The following GPC5 variants were observed in gnomAD, a reference collection of about 807,000 sequenced individuals.
GPC5 encodes the protein glypican-5.
In GPC5, 47 loss-of-function variants were observed where a neutral mutation model predicts 53.9. That is an observed-to-expected ratio of 0.87 (90% CI 0.69 to 1.11). The LOEUF is 1.11. Among genes scored for constraint, GPC5 ranks in the 50% most tolerant of loss-of-function variants. The pLI, the probability that GPC5 is intolerant of heterozygous loss-of-function variation, is 0.00. For synonymous variants in GPC5, 286 were observed against 263.3 expected (o/e 1.09, Z -0.84); for missense variants, 748 against 713.1 (o/e 1.05, Z -0.56).
intron 7 of GPC5, among the ~76,000 whole-genome samples, chr13:92,649,419 T>C (rs530020878): frequency 3.9e-5 from 6 of 152,270 alleles, no homozygotes; most frequent in African/African-American, 1.4e-4. Context: ...ATATCTCCAC[T>C]GAAATCCTTG....
rs138778531 is a variant in GPC5, at chr13:91,930,244, G to GA, written c.1401+22193dup. Among the ~76,000 whole-genome samples the GA allele has an allele frequency of 8.3e-3, 1,256 of 151,440 alleles. 15 individuals are homozygous for GA. Among genetic ancestry groups the GA allele is most frequent in the African/African-American group, 0.029 (1,189 of 41,320 alleles). On this transcript the variant is annotated intron_variant, in intron 6 of 7. Transcript: ENST00000377067. ...TGTAAAGCAGATCTTTAAATCAAGA[G>GA]AAAAAAGAACACCAAAGAACATCTC...
chr13:92,762,887 T>G (rs11070032), intron 7 of GPC5, among the ~76,000 whole-genome samples: 55,034 of 151,594 alleles, frequency 0.36, 11,278 homozygotes, highest in East Asian at 0.75. Context: ...AATCTAGTCT[T>G]CTGTTGAAGC....
rs149756149 is a variant in GPC5, at chr13:91,780,905, G to A, written c.1280+24485G>A. On this transcript the variant is annotated intron_variant, in intron 5 of 7. Transcript: ENST00000377067. Reference sequence around the variant, plus strand: ...AAGCTTTCTTATTCTTAGTTCACATGTAGCCCCCCACTCCCTATAATCTAC... The same window carrying A: ...AAGCTTTCTTATTCTTAGTTCACATATAGCCCCCCACTCCCTATAATCTAC... Among the ~76,000 whole-genome samples, 9 of 152,318 alleles carry A rather than the reference G, an allele frequency of 5.9e-5. No homozygotes were observed. In the East Asian group the frequency reaches 1.2e-3, roughly 20 times the overall value.
intron 7 of GPC5, among the ~76,000 whole-genome samples, chr13:92,776,612 A>G (rs747699350): frequency 2.6e-5 from 4 of 152,162 alleles, no homozygotes; most frequent in Non-Finnish European, 5.9e-5. Context: ...GATACTTGTG[A>G]TATTTTTACT....
At chr13:92,426,383 T>C (rs1876835640) in intron 7 of GPC5, among the ~76,000 whole-genome samples, 1 of 152,118 alleles carries the variant, frequency 6.6e-6, no homozygotes, top group Admixed American at 6.6e-5. Context: ...TCTATGACAG[T>C]GACCTCCTCT....
intron 7 of GPC5, among the ~76,000 whole-genome samples, chr13:92,306,855 A>G (rs1017874283): frequency 1.3e-5 from 2 of 152,236 alleles, no homozygotes; most frequent in African/African-American, 2.4e-5. Context: ...ATTACGTTGC[A>G]TAGGCACTGA....
At chr13:92,612,353 T>C (rs1884466825) in intron 7 of GPC5, among the ~76,000 whole-genome samples, 1 of 152,114 alleles carries the variant, frequency 6.6e-6, no homozygotes, top group Non-Finnish European at 1.5e-5. Flanking sequence ...TAATTTATTA[T>C]TAACTTCTTG....
At chr13:92,695,922 A>G (rs1284391761) in intron 7 of GPC5, among the ~76,000 whole-genome samples, 1 of 151,518 alleles carries the variant, frequency 6.6e-6, no homozygotes, top group African/African-American at 2.4e-5. Flanking sequence ...TCATTGTCCA[A>G]CTACCTATGA....
intron 2 of GPC5, among the ~76,000 whole-genome samples, chr13:91,456,232 T>G (rs1051932075): frequency 9.9e-5 from 15 of 152,260 alleles, no homozygotes; most frequent in Middle Eastern, 3.4e-3. Flanking sequence ...GAGTAACAAT[T>G]TTTCCAAACC....
intron 2 of GPC5, among the ~76,000 whole-genome samples, chr13:91,625,144 A>T (rs9523385): frequency 0.35 from 52,849 of 151,538 alleles, 11,512 homozygotes; most frequent in African/African-American, 0.61. Context: ...TACACATGCT[A>T]AGGAATGAGA....
intron 5 of GPC5, among the ~76,000 whole-genome samples, chr13:91,832,690 C>A (rs943315774): frequency 6.6e-6 from 1 of 151,988 alleles, no homozygotes; most frequent in Non-Finnish European, 1.5e-5. Context: ...TTCTTTGAAA[C>A]CAATGAGAAC....
chr13:92,718,983 C>T (rs1888420984), intron 7 of GPC5, among the ~76,000 whole-genome samples: 1 of 151,846 alleles, frequency 6.6e-6, no homozygotes, highest in African/African-American at 2.4e-5. Context: ...TGATACCCCC[C>T]ATTTAACCTG....
At chr13:91,949,937 T>G (rs553440003) in intron 6 of GPC5, among the ~76,000 whole-genome samples, 2 of 152,162 alleles carry the variant, frequency 1.3e-5, no homozygotes, top group Non-Finnish European at 2.9e-5. Flanking sequence ...GCTTCACCCT[T>G]TGGAGAATTT....
At chr13:91,974,815 A>G (rs2040282255) in intron 6 of GPC5, among the ~76,000 whole-genome samples, 1 of 152,176 alleles carries the variant, frequency 6.6e-6, no homozygotes, top group East Asian at 1.9e-4. Flanking sequence ...ATGCCAAGAC[A>G]ATCCTAAGCC....
At position 91,740,308 on chromosome 13, in the gene GPC5, C is replaced by T. The variant is rs571607033; in HGVS notation, c.1154+11643C>T. On this transcript the variant is annotated intron_variant, in intron 4 of 7. Coordinates refer to ENST00000377067, the MANE Select transcript of GPC5 (RefSeq NM_004466.6). ...GGATAGAGAAATCTCTTAATATTCC[C>T]AAGTTCCTAACCATTTTTTTCTCCC... 4.6e-5 allele frequency among the ~76,000 whole-genome samples: 7 copies of T among 152,248 alleles called. No homozygotes were observed. The East Asian group carries it at 1.2e-3, about 25-fold the overall frequency.
chr13:91,746,569 G>A (rs1007896015), intron 4 of GPC5, among the ~76,000 whole-genome samples: 3 of 152,096 alleles, frequency 2.0e-5, no homozygotes, highest in Non-Finnish European at 4.4e-5. Flanking sequence ...GTGAGATGAG[G>A]ACATAGGATT....
chr13:92,720,265 G>T (rs766265582), intron 7 of GPC5, among the ~76,000 whole-genome samples: 2 of 152,076 alleles, frequency 1.3e-5, no homozygotes, highest in African/African-American at 2.4e-5. Context: ...CTGCCCTTTA[G>T]TTTATATATT....
chr13:92,045,120 A>C (rs902135585), intron 6 of GPC5, among the ~76,000 whole-genome samples: 1 of 152,160 alleles, frequency 6.6e-6, no homozygotes, highest in Admixed American at 6.5e-5. Context: ...CCCTCCATAG[A>C]ACTTGTACCC....
At chr13:92,283,225 T>G (rs2042929636) in intron 7 of GPC5, among the ~76,000 whole-genome samples, 1 of 151,654 alleles carries the variant, frequency 6.6e-6, no homozygotes, top group African/African-American at 2.4e-5. Flanking sequence ...AATACAGGAG[T>G]AACCAGATTC....
Sources: gnomAD v4.1 joint callset for allele counts (sites outside exome capture counted in the v4.1 genomes callset) on GRCh38, gnomAD v4.1.1 for gene constraint, MANE v1.5 for transcripts, NCBI Gene and HGNC (gene_info 2026-07-23, HGNC 2026-07-21) for gene names.